HTT-AS: variants seen among roughly 807,000 people sequenced by gnomAD.
HTT-AS encodes the protein HTT antisense RNA.
intron 1 of HTT-AS, among the ~76,000 whole-genome samples, chr4:3,064,719 G>T (rs966720591): frequency 2.0e-5 from 3 of 152,190 alleles, no homozygotes; most frequent in Admixed American, 2.0e-4. Flanking sequence ...GGGAATGTTA[G>T]CACACCTTAG....
chr4:3,074,449 C>G, exon 1 of HTT-AS: 1 of 201,420 alleles, frequency 5.0e-6, no homozygotes, highest in South Asian at 1.3e-4. Context: ...CACCACGCCC[C>G]GTCCCCTCTC....
At chr4:3,067,088 G>A (rs1367379461) in intron 1 of HTT-AS, among the ~76,000 whole-genome samples, 1 of 152,160 alleles carries the variant, frequency 6.6e-6, no homozygotes, top group African/African-American at 2.4e-5. Context: ...CCCGAAAACT[G>A]CAGAATTCCA....
At chr4:3,068,736 C>T (rs1712104371) in intron 1 of HTT-AS, among the ~76,000 whole-genome samples, 1 of 149,500 alleles carries the variant, frequency 6.7e-6, no homozygotes, top group Non-Finnish European at 1.5e-5. Flanking sequence ...CTCACTGCAA[C>T]CTCTGCCCCT....
intron 1 of HTT-AS, among the ~76,000 whole-genome samples, chr4:3,065,258 G>A (rs1396301822): frequency 6.9e-6 from 1 of 145,666 alleles, no homozygotes; most frequent in Non-Finnish European, 1.5e-5. Context: ...TTTTTTTTTT[G>A]AGACGGAGTC....
intron 1 of HTT-AS, among the ~76,000 whole-genome samples, chr4:3,064,997 AAC>A (rs1712015908): frequency 6.6e-6 from 1 of 152,244 alleles, no homozygotes; most frequent in African/African-American, 2.4e-5. Context: ...GAAATTCAGT[AAC>A]ACAATATAAT....
At chr4:3,054,242 T>G (rs1711766925) in intron 2 of HTT-AS, among the ~76,000 whole-genome samples, 2 of 151,608 alleles carry the variant, frequency 1.3e-5, no homozygotes, top group Non-Finnish European at 2.9e-5. Context: ...TGGTAAATTC[T>G]TGCCCTAAAG....
intron 2 of HTT-AS, among the ~76,000 whole-genome samples, chr4:3,054,630 A>G (rs1289924066): frequency 6.6e-6 from 1 of 152,194 alleles, no homozygotes; most frequent in Non-Finnish European, 1.5e-5. Context: ...CTGTGTGTGA[A>G]CATATTGACT....
chr4:3,074,604 G>GGCCGGCGTGGCCCCGCCTCC (rs1189711228), upstream of HTT-AS: 15 of 394,856 alleles, frequency 3.8e-5, 1 homozygote, highest in Middle Eastern at 6.5e-4. Flanking sequence ...CAATCATGCT[G>GGCCGGCGTGGCCCCGCCTCC]GCCGGCGTGG....
chr4:3,047,530 C>T (rs533931147), downstream of HTT-AS, among the ~76,000 whole-genome samples: 3 of 152,300 alleles, frequency 2.0e-5, no homozygotes, highest in Admixed American at 6.5e-5. Context: ...GACCAGAAGA[C>T]GAGTGTGAGC....
downstream of HTT-AS, among the ~76,000 whole-genome samples, chr4:3,047,318 AAAAACAAAAAC>A (rs993984684): frequency 9.2e-5 from 14 of 152,298 alleles, no homozygotes; most frequent in African/African-American, 3.1e-4. Flanking sequence ...CTCAAAAAAC[AAAAACAAAAAC>A]AAAACAAAAC....
chr4:3,058,725 T>TC (rs954451577), intron 2 of HTT-AS, among the ~76,000 whole-genome samples: 1 of 151,702 alleles, frequency 6.6e-6, no homozygotes, highest in African/African-American at 2.4e-5. Flanking sequence ...CATTTCTTTT[T>TC]TTTTTTTCCT....
chr4:3,049,906 TCACA>T (rs57430954), intron 2 of HTT-AS, among the ~76,000 whole-genome samples: 8,451 of 134,492 alleles, frequency 0.063, 296 homozygotes, highest in Admixed American at 0.1. Flanking sequence ...TTGTAAGTTA[TCACA>T]CACACACACA....
At position 3,073,031 on chromosome 4, in the gene HTT-AS, T is replaced by C. The variant is rs190418122; in HGVS notation, n.113+1395A>G. Among the ~76,000 whole-genome samples, 3 of 152,320 alleles carry C rather than the reference T, an allele frequency of 2.0e-5. No individual in the cohort carries two copies. In the East Asian group the frequency reaches 5.8e-4, roughly 29 times the overall value. The stretch of plus-strand genomic sequence containing the variant: ...GCCTCAAATTCCTGGGTTCAGGTGA[T>C]CCTCCCACATCAGCCTCCCAAGAAC... On this transcript the variant is annotated intron_variant and non_coding_transcript_variant, in intron 1 of 2. Transcript: ENST00000664062.
intron 2 of HTT-AS, among the ~76,000 whole-genome samples, chr4:3,061,285 G>A (rs548155458): frequency 6.6e-6 from 1 of 152,186 alleles, no homozygotes; most frequent in East Asian, 1.9e-4. Flanking sequence ...CCAGAAAGGC[G>A]GGGACAACTT....
chr4:3,072,376 G>T (rs112435590), intron 1 of HTT-AS, among the ~76,000 whole-genome samples: 13,005 of 152,290 alleles, frequency 0.085, 1,149 homozygotes, highest in African/African-American at 0.23. Flanking sequence ...CAACAGAGAG[G>T]GCCAGGGAGA....
intron 1 of HTT-AS, among the ~76,000 whole-genome samples, chr4:3,068,451 T>A (rs192145812): frequency 2.0e-5 from 3 of 151,978 alleles, no homozygotes; most frequent in East Asian, 1.9e-4. Flanking sequence ...ACTGGAAAGA[T>A]TTCCGCAATA....
chr4:3,048,281 G>T (rs1009168984), downstream of HTT-AS, among the ~76,000 whole-genome samples: 1 of 152,152 alleles, frequency 6.6e-6, no homozygotes, highest in African/African-American at 2.4e-5. Context: ...CCATCGTTTT[G>T]GGTTTCTGGT....
chr4:3,062,698 T>G lies in HTT-AS; in HGVS notation n.1116A>C, dbSNP rs114260392. Among the ~76,000 whole-genome samples the G allele has an allele frequency of 8.7e-3, 1,316 of 151,932 alleles. 15 individuals are homozygous for G. Among genetic ancestry groups the G allele is most frequent in the African/African-American group, 0.025 (1,021 of 41,426 alleles). ...ACCACTGTGCACTGCTGAGGGTAAGTGCGGTTCTCTGGACCTCTGCTTTAT... is the reference window on the plus strand; with the variant it reads ...ACCACTGTGCACTGCTGAGGGTAAGGGCGGTTCTCTGGACCTCTGCTTTAT... On this transcript the variant is annotated non_coding_transcript_exon_variant, in exon 2 of 3. Coordinates refer to ENST00000664062, the Ensembl canonical transcript of HTT-AS.
At chr4:3,051,212 T>C (rs542985379) in intron 2 of HTT-AS, among the ~76,000 whole-genome samples, 9 of 152,216 alleles carry the variant, frequency 5.9e-5, no homozygotes. Flanking sequence ...ATTACAGGCA[T>C]GTGCCACCAT....
Sources: allele counts gnomAD v4.1 joint callset (sites outside exome capture counted in the v4.1 genomes callset), GRCh38; gene constraint gnomAD v4.1.1; transcripts MANE v1.5; gene names NCBI Gene and HGNC (gene_info 2026-07-23, HGNC 2026-07-21).